Variants in GNA12 observed in about 807,000 individuals in gnomAD.
GNA12 encodes guanine nucleotide-binding protein subunit alpha-12.
In GNA12, 9 loss-of-function variants were observed where a neutral mutation model predicts 26.0. The observed-to-expected ratio is 0.35, with a 90% CI of 0.21 to 0.60. The LOEUF (loss-of-function observed/expected upper bound fraction) is 0.60. GNA12 is among the 20% of genes least tolerant of loss of function. GNA12 has a pLI of 0.78. For synonymous variants in GNA12, 264 were observed against 219.6 expected (o/e 1.20, Z -1.79); for missense variants, 405 against 525.8 (o/e 0.77, Z 2.25).
intron 1 of GNA12, chr7:2,814,314 T>C (rs769259196): frequency 1.9e-5 from 29 of 1,552,146 alleles, no homozygotes; most frequent in Non-Finnish European, 2.4e-5. Flanking sequence ...AGACTCACCC[T>C]GGACCCAGGG....
At chr7:2,805,177 G>A (rs1416423357) in intron 1 of GNA12, among the ~76,000 whole-genome samples, 1 of 152,160 alleles carries the variant, frequency 6.6e-6, no homozygotes, top group Non-Finnish European at 1.5e-5. Context: ...ATTCATGCCA[G>A]TCTATCAACC....
intron 2 of GNA12, among the ~76,000 whole-genome samples, chr7:2,783,649 C>CATTCATTT (rs1554259966): frequency 7.4e-4 from 103 of 138,686 alleles, no homozygotes; most frequent in African/African-American, 2.7e-3. Context: ...GGCTGTAACA[C>CATTCATTT]ATTTATTTAT....
intron 1 of GNA12, among the ~76,000 whole-genome samples, chr7:2,842,106 G>A (rs1366583476): frequency 2.6e-5 from 2 of 77,548 alleles, no homozygotes; most frequent in Non-Finnish European, 6.0e-5. Flanking sequence ...AGGAAAGGAA[G>A]GAAGGGAAGG....
At chr7:2,804,108 C>G (rs1293167750) in intron 1 of GNA12, among the ~76,000 whole-genome samples, 4 of 152,110 alleles carry the variant, frequency 2.6e-5, no homozygotes, top group Non-Finnish European at 5.9e-5. Context: ...CAGAAAAGAT[C>G]AGCAAAACTT....
rs977118293 is a variant in GNA12 at position 2,835,948 on chromosome 7, T to C, written c.309+7905A>G. 1.2e-5 allele frequency: 6 copies of C among 521,306 alleles called. No individual in the cohort carries two copies. The East Asian group carries it at 1.7e-4, about 15-fold the overall frequency. The allele number at this position is 521,306 out of a possible 1,614,324, so 32.3% of individuals were successfully genotyped here. The stretch of plus-strand genomic sequence containing the variant: ...AGAATCCAAAGTCGAAGCAATTCAG[T>C]GGGTGTGAGCAGATTTGAAAGTTCA... On this transcript the variant is annotated intron_variant, in intron 1 of 3. Transcript: ENST00000275364.
intron 2 of GNA12, among the ~76,000 whole-genome samples, chr7:2,786,838 C>T (rs907232699): frequency 6.6e-6 from 1 of 152,176 alleles, no homozygotes; most frequent in Admixed American, 6.5e-5. Context: ...ACCCACCATG[C>T]CCATCTCGAG....
chr7:2,828,470 C>T (rs1176650894), intron 1 of GNA12, among the ~76,000 whole-genome samples: 1 of 152,196 alleles, frequency 6.6e-6, no homozygotes, highest in South Asian at 2.1e-4. Flanking sequence ...CCTCCTGCCT[C>T]GGCCTCCCAA....
chr7:2,811,022 C>G (rs1336270887), intron 1 of GNA12, among the ~76,000 whole-genome samples: 1 of 152,172 alleles, frequency 6.6e-6, no homozygotes, highest in Admixed American at 6.5e-5. Flanking sequence ...TTGGAGATGG[C>G]AAGTCCCAAG....
intron 2 of GNA12, among the ~76,000 whole-genome samples, chr7:2,744,296 G>A (rs1348663574): frequency 6.6e-6 from 1 of 152,160 alleles, no homozygotes; most frequent in Non-Finnish European, 1.5e-5. Context: ...CACCTCACAC[G>A]GCCGGGTACT....
rs770129570 is a variant in GNA12 at position 2,776,382 on chromosome 7, C to G, written c.525+18546G>C. On this transcript the variant is annotated intron_variant, in intron 2 of 3. Coordinates refer to ENST00000275364, the MANE Select transcript of GNA12 (RefSeq NM_007353.3). ...GACACCGACCGTCATTTCCTCAGAC[C>G]AGGGGACACACTGTACATCCCACGG... is the stretch of plus-strand genomic sequence containing the variant. Among the ~76,000 whole-genome samples the G allele has an allele frequency of 3.9e-5, 6 of 152,186 alleles. No individual in the cohort carries two copies. In the East Asian group the frequency reaches 1.2e-3, roughly 29 times the overall value.
At chr7:2,838,010 T>A (rs781458809) in intron 1 of GNA12, among the ~76,000 whole-genome samples, 1 of 151,882 alleles carries the variant, frequency 6.6e-6, no homozygotes, top group South Asian at 2.1e-4. Flanking sequence ...GGTGGGTAAA[T>A]GGGCCCAAGC....
At chr7:2,790,040 G>C (rs1454226051) in intron 2 of GNA12, among the ~76,000 whole-genome samples, 1 of 152,094 alleles carries the variant, frequency 6.6e-6, no homozygotes, top group African/African-American at 2.4e-5. Context: ...AACTCTGCAG[G>C]GCAGCCTCTG....
At chr7:2,811,725 C>T (rs978618135) in intron 1 of GNA12, among the ~76,000 whole-genome samples, 3 of 152,202 alleles carry the variant, frequency 2.0e-5, no homozygotes, top group Non-Finnish European at 2.9e-5. Flanking sequence ...TCCAGTTTCA[C>T]CCACAGCTGT....
At chr7:2,780,048 G>GTGTATATATATATATATATATATATATA (rs748113158) in intron 2 of GNA12, among the ~76,000 whole-genome samples, 5 of 84,728 alleles carry the variant, frequency 5.9e-5, no homozygotes, top group South Asian at 4.5e-4. Context: ...ACATTTCTGT[G>GTGTATATATATATATATATATATATATA]TACATATATA....
intron 2 of GNA12, among the ~76,000 whole-genome samples, chr7:2,785,523 C>T (rs1421468925): frequency 6.6e-6 from 1 of 152,190 alleles, no homozygotes; most frequent in South Asian, 2.1e-4. Flanking sequence ...AAAGTAAATT[C>T]TGATGGTTTA....
chr7:2,780,348 T>A (rs2115434498), intron 2 of GNA12, among the ~76,000 whole-genome samples: 1 of 152,192 alleles, frequency 6.6e-6, no homozygotes, highest in Admixed American at 6.5e-5. Context: ...AATCTTTGCA[T>A]ATTGATCTGA....
intron 1 of GNA12, among the ~76,000 whole-genome samples, chr7:2,809,813 T>C (rs1278967913): frequency 6.6e-6 from 1 of 152,236 alleles, no homozygotes; most frequent in African/African-American, 2.4e-5. Context: ...TATGTAAATG[T>C]AAATATTACT....
At chr7:2,827,540 A>C (rs1793512644) in intron 1 of GNA12, among the ~76,000 whole-genome samples, 1 of 152,216 alleles carries the variant, frequency 6.6e-6, no homozygotes. Context: ...AATAACCACC[A>C]AACTGACTGG....
At chr7:2,764,664 T>C (rs924832674) in intron 2 of GNA12, 4 of 152,264 alleles carry the variant, frequency 2.6e-5, no homozygotes, top group African/African-American at 9.6e-5. Flanking sequence ...GAGGTGGGGT[T>C]CTGTCTGAAT....
Sources: gnomAD v4.1 joint callset for allele counts (sites outside exome capture counted in the v4.1 genomes callset) on GRCh38, gnomAD v4.1.1 for gene constraint, MANE v1.5 for transcripts, NCBI Gene and HGNC (gene_info 2026-07-23, HGNC 2026-07-21) for gene names.